Variants in BABAM2 observed in about 807,000 individuals in gnomAD.
BABAM2 encodes BRISC and BRCA1-A complex member 2.
In BABAM2, 31 loss-of-function variants were observed where a neutral mutation model predicts 54.7. The observed-to-expected ratio is 0.57, with a 90% CI of 0.43 to 0.77. BABAM2 has a LOEUF of 0.77. Ranked by LOEUF, BABAM2 falls within the 30% of genes least tolerant of loss-of-function variation. BABAM2 has a pLI of 0.00. For missense variants in BABAM2, 364 were observed against 455.8 expected (o/e 0.80, Z 1.83); for synonymous variants, 167 against 162.9 (o/e 1.03, Z -0.19).
At chr2:28,307,825 AT>A (rs1022413951) in intron 11 of BABAM2, 2 of 152,212 alleles carry the variant, frequency 1.3e-5, no homozygotes, top group Admixed American at 6.5e-5. Context: ...AAAAAAACCT[AT>A]TTAAAATTAC....
Position 28,285,873 on chromosome 2 carries a change from G to A in BABAM2, c.935-12465G>A, listed in dbSNP as rs116303069. On this transcript the variant is annotated intron_variant, in intron 10 of 11. Coordinates refer to ENST00000379624, the MANE Select transcript of BABAM2 (RefSeq NM_199191.3). Reference sequence around the variant, plus strand: ...CATGAGCCACCACACCGGCTGATAAGTCTTAAGAGATGTTTTGTAGAGAGG... The same window carrying A: ...CATGAGCCACCACACCGGCTGATAAATCTTAAGAGATGTTTTGTAGAGAGG... Among the ~76,000 whole-genome samples the A allele has an allele frequency of 7.3e-3, 1,101 of 151,670 alleles. 10 individuals are homozygous for A. The highest frequency in any genetic ancestry group is 0.025 in the African/African-American group (1,043 of 41,356).
rs148568936 is a variant in BABAM2, at chr2:28,297,898, A to G, written c.935-440A>G. ...TCCCACTGCCTCCATCAAATTATAG[A>G]TGTGGAATACATTGCCCAACCCTTG... On this transcript the variant is annotated intron_variant, in intron 10 of 11. Transcript: ENST00000379624. Among the ~76,000 whole-genome samples the G allele has an allele frequency of 5.3e-3, 811 of 152,310 alleles. 13 individuals are homozygous for G. Among genetic ancestry groups the G allele is most frequent in the South Asian group, 0.049 (236 of 4,828 alleles).
chr2:28,118,362 C>T (rs1327144311), intron 6 of BABAM2, among the ~76,000 whole-genome samples: 1 of 152,190 alleles, frequency 6.6e-6, no homozygotes, highest in Non-Finnish European at 1.5e-5. Context: ...CCTGTTTCTC[C>T]ACAACCTCGC....
chr2:27,997,260 C>T (rs1344899819), intron 4 of BABAM2, among the ~76,000 whole-genome samples: 2 of 145,870 alleles, frequency 1.4e-5, no homozygotes, highest in Non-Finnish European at 3.0e-5. Flanking sequence ...CTCTGGTTCT[C>T]TTGAGTTGTA....
At chr2:28,067,462 A>G (rs532873934) in intron 6 of BABAM2, among the ~76,000 whole-genome samples, 2 of 152,192 alleles carry the variant, frequency 1.3e-5, no homozygotes, top group African/African-American at 2.4e-5. Flanking sequence ...AATACTCCAC[A>G]TTACAATTTC....
chr2:27,942,592 T>C (rs1318980964), intron 3 of BABAM2, among the ~76,000 whole-genome samples: 21 of 150,838 alleles, frequency 1.4e-4, no homozygotes, highest in Admixed American at 8.6e-4. Flanking sequence ...TGATCTGAAC[T>C]CCTGGGCTCA....
chr2:28,152,650 C>T (rs940699750), intron 7 of BABAM2, among the ~76,000 whole-genome samples: 17 of 152,246 alleles, frequency 1.1e-4, no homozygotes, highest in East Asian at 5.8e-4. Flanking sequence ...CATGCTACTC[C>T]ACCAACAGAA....
At chr2:27,949,326 A>T (rs1233395214) in intron 3 of BABAM2, among the ~76,000 whole-genome samples, 1 of 152,176 alleles carries the variant, frequency 6.6e-6, no homozygotes, top group Non-Finnish European at 1.5e-5. Context: ...TGAGGTCAGG[A>T]GTTTGAGACC....
At chr2:27,998,156 A>G (rs1038248936) in intron 4 of BABAM2, among the ~76,000 whole-genome samples, 1 of 147,172 alleles carries the variant, frequency 6.8e-6, no homozygotes, top group African/African-American at 2.4e-5. Flanking sequence ...CAGTCTCAAG[A>G]AAAAAAAATG....
chr2:28,263,101 C>G (rs1684667992), intron 10 of BABAM2, among the ~76,000 whole-genome samples: 1 of 135,164 alleles, frequency 7.4e-6, no homozygotes, highest in Admixed American at 8.2e-5. Flanking sequence ...TATGATTCCA[C>G]TTATTTGAGG....
intron 7 of BABAM2, among the ~76,000 whole-genome samples, chr2:28,206,856 G>A (rs913678011): frequency 6.6e-6 from 1 of 152,218 alleles, no homozygotes; most frequent in African/African-American, 2.4e-5. Flanking sequence ...GTCCTTGCCA[G>A]TGTTTAGTAC....
At chr2:28,306,351 C>T (rs1241780097) in intron 11 of BABAM2, among the ~76,000 whole-genome samples, 2 of 151,908 alleles carry the variant, frequency 1.3e-5, no homozygotes, top group East Asian at 1.9e-4. Context: ...GTTTTGGATT[C>T]GTCTGTTTCT....
intron 7 of BABAM2, among the ~76,000 whole-genome samples, chr2:28,218,641 A>G (rs1054931604): frequency 3.3e-5 from 5 of 152,048 alleles, no homozygotes; most frequent in African/African-American, 1.2e-4. Flanking sequence ...CACCTGGTTA[A>G]GTGGTGTCTC....
chr2:28,314,178 T>C lies in BABAM2; in HGVS notation c.1088+15687T>C, dbSNP rs75571735. ...AATTGTAAAATGTATTGAATAATTA[T>C]AGTACACCAGCATAGCTCTAAGTGC... On this transcript the variant is annotated intron_variant, in intron 11 of 11. Coordinates refer to ENST00000379624, the MANE Select transcript of BABAM2 (RefSeq NM_199191.3). 8.6e-3 allele frequency among the ~76,000 whole-genome samples: 1,304 copies of C among 152,350 alleles called. 14 individuals are homozygous for C. The highest frequency in any genetic ancestry group is 0.03 in the African/African-American group (1,234 of 41,584).
rs1177448875 is a variant in BABAM2 at position 27,995,763 on chromosome 2, G to A, written c.300+7676G>A. On this transcript the variant is annotated intron_variant, in intron 4 of 11. Transcript: ENST00000379624. The surrounding 1 kb of genome is among the most constrained non-coding windows in gnomAD (Gnocchi z 4.1). The stretch of plus-strand genomic sequence containing the variant: ...CCTGGCTAGTTTTTTTATATTTTTA[G>A]TAGAGATGGGGTTTCACCATGTTAG... 6.6e-6 allele frequency among the ~76,000 whole-genome samples: 1 copy of A among 152,000 alleles called. No homozygotes were observed. The highest frequency in any genetic ancestry group is 1.5e-5 in the Non-Finnish European group (1 of 67,996).
Position 27,995,376 on chromosome 2 carries a change from C to T in BABAM2, c.300+7289C>T, listed in dbSNP as rs1448064984. ...TGTGCCTTGCACTGTTCCTCCATCA[C>T]TCTCTGTTGACAAGCTGAACACTGC... On this transcript the variant is annotated intron_variant, in intron 4 of 11. Coordinates refer to ENST00000379624, the MANE Select transcript of BABAM2 (RefSeq NM_199191.3). This position sits in a 1 kb window ranked among gnomAD's most constrained non-coding sequence, Gnocchi z 4.1. 1.3e-5 allele frequency among the ~76,000 whole-genome samples: 2 copies of T among 152,176 alleles called. No individual in the cohort carries two copies. The highest frequency in any genetic ancestry group is 4.8e-5 in the African/African-American group (2 of 41,440).
intron 2 of BABAM2, among the ~76,000 whole-genome samples, chr2:27,915,679 T>A (rs202028082): frequency 0.025 from 1 of 40 alleles, no homozygotes; most frequent in African/African-American, 0.062. Flanking sequence ...ATAAAAAACG[T>A]TTTTTTTCTA....
At chr2:28,316,369 T>C (rs899707597) in intron 11 of BABAM2, among the ~76,000 whole-genome samples, 43 of 119,734 alleles carry the variant, frequency 3.6e-4, no homozygotes, top group African/African-American at 1.3e-3. Context: ...CCACTGTGCA[T>C]GTTTGGGAGT....
chr2:28,246,004 A>G (rs951561769), intron 10 of BABAM2, among the ~76,000 whole-genome samples: 1 of 152,242 alleles, frequency 6.6e-6, no homozygotes, highest in African/African-American at 2.4e-5. Context: ...ACGTCTAAGT[A>G]AAACCTTATC....
Sources: allele counts gnomAD v4.1 joint callset (sites outside exome capture counted in the v4.1 genomes callset), GRCh38; gene constraint gnomAD v4.1.1; non-coding constraint Gnocchi (gnomAD v3.1); transcripts MANE v1.5; gene names NCBI Gene and HGNC (gene_info 2026-07-23, HGNC 2026-07-21).